NBN: variants seen among roughly 807,000 people sequenced by gnomAD.
The protein encoded by NBN is Nijmegen breakage syndrome 1 (nibrin).
Under a neutral mutation model 90.8 loss-of-function variants are expected in NBN, and 88 were observed. The ratio of observed to expected loss-of-function variants is 0.97; its 90% CI spans 0.82 to 1.16. NBN has a LOEUF of 1.16. NBN is among the 50% of genes most tolerant of loss of function. The pLI, the probability that NBN is intolerant of heterozygous loss-of-function variation, is 0.00. For synonymous variants in NBN, 328 were observed against 295.1 expected, an observed-to-expected ratio of 1.11 and a Z score of -1.14; for missense variants, 894 against 869.6, an observed-to-expected ratio of 1.03 and a Z score of -0.35.
intron 7 of NBN, among the ~76,000 whole-genome samples, chr8:89,967,144 G>A (rs1043269245): frequency 6.6e-6 from 1 of 152,194 alleles, no homozygotes; most frequent in Non-Finnish European, 1.5e-5. Context: ...TGGGTTTTCT[G>A]TGTGTACTCT....
rs2129716929 is a variant in NBN at position 89,955,301 on chromosome 8, T to C, written c.1379A>G (p.Gln460Arg). 6.2e-7 allele frequency: 1 copy of C among 1,613,852 alleles called. No homozygotes were observed. Among genetic ancestry groups the C allele is most frequent in the Non-Finnish European group, 8.5e-7 (1 of 1,179,802 alleles). Residue 460 changes from glutamine (Q) to arginine (R), a missense_variant, in exon 10 of 16, where the codon CAG (glutamine) becomes CGG (arginine). Physicochemically the swap from Gln to Arg is conservative, Grantham distance 43. Coordinates refer to ENST00000265433, the MANE Select transcript of NBN (RefSeq NM_002485.5). ...AACAGACCTTTTTTTGGTAGACGGC[T>C]GAAAGTAGTTTCTGATGGAGTTGGT... ...QQTNSIRNYFQPSTKKRERDE... is the reference protein window; with the variant it reads ...QQTNSIRNYFRPSTKKRERDE...
At chr8:89,946,445 T>C (rs1014612849) in intron 12 of NBN, 150 bp from the exon 13 acceptor site, 8 of 700,216 alleles carry the variant, frequency 1.1e-5, no homozygotes, top group Non-Finnish European at 2.4e-6. Context: ...GTATTTGGAA[T>C]CAAATTGTAG....
At chr8:89,970,227 C>T in intron 7 of NBN, 137 bp downstream of exon 7, 1 of 693,330 alleles carries the variant, frequency 1.4e-6, no homozygotes, top group Non-Finnish European at 2.4e-6. Context: ...CCAGCCTGGG[C>T]AACAAGAGCA....
intron 5 of NBN, among the ~76,000 whole-genome samples, chr8:89,973,979 T>C (rs545966242): frequency 7.2e-5 from 11 of 152,310 alleles, no homozygotes; most frequent in Non-Finnish European, 1.5e-4. Flanking sequence ...TAAAATGATA[T>C]TAATCTAGAA....
chr8:89,934,877 T>C lies in NBN; in HGVS notation c.*705A>G, dbSNP rs1170094682. On this transcript the variant is annotated 3_prime_UTR_variant, in exon 16 of 16. Transcript: ENST00000265433. ...CAAAACAGACACCCACCCAGCTCAG[T>C]AAGACCACCAAAAAGGGGTACAGGT... The C allele has an allele frequency of 4.3e-6, 1 of 232,734 alleles. No homozygotes were observed. Among genetic ancestry groups the C allele is most frequent in the Non-Finnish European group, 8.5e-6 (1 of 117,782 alleles). 14.4% of individuals were successfully genotyped at this position (232,734 alleles called of 1,614,324 possible).
At chr8:89,953,884 A>T (rs533263106) in intron 10 of NBN, among the ~76,000 whole-genome samples, 193 bp from the exon 11 acceptor site, 12 of 152,252 alleles carry the variant, frequency 7.9e-5, no homozygotes, top group Non-Finnish European at 1.3e-4. Flanking sequence ...TGCTGTTTTG[A>T]TAGAACTGAC....
At chr8:89,984,363 GGAA>G in intron 1 of NBN, 159 bp downstream of exon 1, 1 of 707,906 alleles carries the variant, frequency 1.4e-6, no homozygotes, top group South Asian at 1.7e-5. Flanking sequence ...GTGCTGCCCG[GGAA>G]GAATATGCGC....
chr8:89,944,763 T>G (rs766646469), intron 13 of NBN, among the ~76,000 whole-genome samples: 4 of 152,114 alleles, frequency 2.6e-5, no homozygotes, highest in Admixed American at 1.3e-4. Context: ...TATTTTTTTG[T>G]AGAGTTAGGG....
At position 89,978,174 on chromosome 8, in the gene NBN, C is replaced by T. The variant is rs1036822606; in HGVS notation, c.584+46G>A. The T allele has an allele frequency of 4.0e-6, 6 of 1,483,624 alleles. No individual in the cohort carries two copies. Among genetic ancestry groups the T allele is most frequent in the African/African-American group, 2.8e-5 (2 of 71,996 alleles). 91.9% of individuals were successfully genotyped at this position (1,483,624 alleles called of 1,614,324 possible). A position where few individuals can be genotyped will look rare whatever the true frequency, so the allele number is the denominator to read the frequency against. On this transcript the variant is annotated intron_variant, in intron 5 of 15. Coordinates refer to ENST00000265433, the MANE Select transcript of NBN (RefSeq NM_002485.5). ...GAATTAACTTAAATAAAAATCAATG[C>T]TATCATATAAGTGACATCTTGTTAT...
Position 89,955,369 on chromosome 8 carries a change from T to C in NBN, c.1311A>G (p.Pro437=). The change falls in exon 10 of 16, where the codon CCA becomes CCG. Residue 437 remains proline (P), a synonymous_variant. Coordinates refer to ENST00000265433, the MANE Select transcript of NBN (RefSeq NM_002485.5). ...PNYQLSPTKL[P]SINKSKDRAS... The stretch of plus-strand genomic sequence containing the variant: ...CCCTATCTTTACTTTTATTTATACT[T>C]GGCAATTTAGTTGGTGAAAGCTGAT... 1.9e-6 allele frequency: 3 copies of C among 1,613,842 alleles called. No homozygotes were observed. The highest frequency in any genetic ancestry group is 2.5e-6 in the Non-Finnish European group (3 of 1,179,760).
At chr8:89,942,383 CG>C (rs1712781775) in intron 14 of NBN, among the ~76,000 whole-genome samples, 2 of 152,046 alleles carry the variant, frequency 1.3e-5, no homozygotes, top group Admixed American at 6.6e-5. Context: ...AGATAGAAAA[CG>C]TATCTTTTCT....
chr8:89,964,348 T>C lies in NBN; in HGVS notation c.994+62A>G, dbSNP rs1176004120. 7.0e-6 allele frequency: 11 copies of C among 1,570,592 alleles called. No homozygotes were observed. The East Asian group carries it at 2.5e-4, about 35-fold the overall frequency. On this transcript the variant is annotated intron_variant, in intron 8 of 15. Coordinates refer to ENST00000265433, the MANE Select transcript of NBN (RefSeq NM_002485.5). Reference sequence around the variant, plus strand: ...CTAGCAAGTATATGAGTAACGTATATTTAGCTTATCGATTTACATAATAAA... The same window carrying C: ...CTAGCAAGTATATGAGTAACGTATACTTAGCTTATCGATTTACATAATAAA...
rs571803328 is a variant in NBN at position 89,946,224 on chromosome 8, C to T, written c.1986G>A (p.Leu662=). Residue 662 remains leucine, a synonymous_variant, in exon 13 of 16, where the codon CTG becomes CTA. Transcript: ENST00000265433. Reference sequence around the variant, plus strand: ...TTCTGGAAGTAGAGTTTTTAATCACCAGTGATCTAAATTCAGTCAATAACA... The same window carrying T: ...TTCTGGAAGTAGAGTTTTTAATCACTAGTGATCTAAATTCAGTCAATAACA... ...KKLLLTEFRS[L]VIKNSTSRNP... 1.3e-5 allele frequency: 21 copies of T among 1,592,842 alleles called. No homozygotes were observed. The African/African-American group carries it at 2.8e-4, about 21-fold the overall frequency.
chr8:89,953,423 C>T lies in NBN; in HGVS notation c.1666G>A (p.Val556Met), dbSNP rs771567358. ...TCCAATACTTCATCTTCTATGGCCA[C>T]ATCATCCATTTCCCTTTTTTTATTT... is the stretch of plus-strand genomic sequence containing the variant. ...RSNKKREMDD[V>M]AIEDEVLEQL... Residue 556 changes from valine (V) to methionine (M), a missense_variant, in exon 11 of 16, where the codon GTG becomes ATG. Val to Met is a conservative substitution (Grantham distance 21). Coordinates refer to ENST00000265433, the MANE Select transcript of NBN (RefSeq NM_002485.5). 5.0e-6 allele frequency: 8 copies of T among 1,613,872 alleles called. No individual in the cohort carries two copies. In the Admixed American group the frequency reaches 1.0e-4, roughly 20 times the overall value.
intron 15 of NBN, among the ~76,000 whole-genome samples, 178 bp from the exon 16 acceptor site, chr8:89,935,790 G>C (rs915348389): frequency 4.0e-5 from 6 of 151,680 alleles, no homozygotes; most frequent in Admixed American, 1.3e-4. Flanking sequence ...CTTTGATGTT[G>C]CTTTGATGAA....
chr8:89,980,498 C>T (rs943212262), intron 4 of NBN, among the ~76,000 whole-genome samples: 1 of 151,660 alleles, frequency 6.6e-6, no homozygotes, highest in Admixed American at 6.6e-5. Flanking sequence ...TTTTAAAATG[C>T]TAAACAAAAT....
intron 7 of NBN, among the ~76,000 whole-genome samples, chr8:89,965,049 G>C (rs1212326972): frequency 6.6e-6 from 1 of 152,114 alleles, no homozygotes; most frequent in Non-Finnish European, 1.5e-5. Context: ...ATGAGGTGGA[G>C]GTTGCAGTAA....
intron 10 of NBN, among the ~76,000 whole-genome samples, chr8:89,954,392 T>G (rs1479324678): frequency 6.6e-6 from 1 of 152,058 alleles, no homozygotes; most frequent in African/African-American, 2.4e-5. Context: ...GAGGTTTTTG[T>G]AATAATTTAG....
chr8:89,951,230 T>C (rs1810432334), intron 11 of NBN, among the ~76,000 whole-genome samples: 2 of 145,066 alleles, frequency 1.4e-5, no homozygotes, highest in African/African-American at 2.6e-5. Flanking sequence ...GAGAATGGCG[T>C]GAACCCGGGA....
Sources: allele counts gnomAD v4.1 joint callset (sites outside exome capture counted in the v4.1 genomes callset), GRCh38; gene constraint gnomAD v4.1.1; transcripts MANE v1.5; gene names NCBI Gene and HGNC (gene_info 2026-07-23, HGNC 2026-07-21).